EXOC5: variants seen among roughly 807,000 people sequenced by gnomAD.
EXOC5 encodes the protein SEC10-like 1.
EXOC5 carries 17 observed loss-of-function variants against 90.8 expected under a neutral mutation model. The observed-to-expected ratio is 0.19, with a 90% CI of 0.13 to 0.28. The LOEUF (loss-of-function observed/expected upper bound fraction) is 0.28, where lower values mean the gene tolerates loss of function less well. EXOC5 is among the 10% of genes least tolerant of loss of function. The pLI is 1.00. For missense variants in EXOC5, 569 were observed against 830.6 expected (o/e 0.69, Z 3.87); for synonymous variants, 260 against 270.0 (o/e 0.96, Z 0.36).
chr14:57,238,977 T>C (rs1383371682), intron 5 of EXOC5, among the ~76,000 whole-genome samples: 3 of 152,082 alleles, frequency 2.0e-5, no homozygotes, highest in Non-Finnish European at 4.4e-5. Context: ...ATGAAAAAAT[T>C]TCCTTCTCAG....
intron 3 of EXOC5, among the ~76,000 whole-genome samples, chr14:57,244,574 C>T (rs1037342324): frequency 6.6e-6 from 1 of 151,896 alleles, no homozygotes; most frequent in African/African-American, 2.4e-5. Context: ...ATCGTGAGTA[C>T]ATTAATCAAC....
intron 7 of EXOC5, among the ~76,000 whole-genome samples, chr14:57,234,531 GTGTGTGTATATATATATA>G (rs1420357553): frequency 6.8e-6 from 1 of 147,320 alleles, no homozygotes; most frequent in Admixed American, 6.8e-5. Context: ...GTGTGTGTGT[GTGTGTGTATATATATATA>G]TATGTGTATA....
chr14:57,211,961 GT>G (rs758822379), intron 15 of EXOC5, among the ~76,000 whole-genome samples: 1 of 152,152 alleles, frequency 6.6e-6, no homozygotes, highest in Non-Finnish European at 1.5e-5. Flanking sequence ...CCAGGCTCAA[GT>G]GATCCACCTA....
chr14:57,266,735 G>GTA (rs10550570), intron 1 of EXOC5, among the ~76,000 whole-genome samples: 3,783 of 146,444 alleles, frequency 0.026, 89 homozygotes, highest in Middle Eastern at 0.036. Context: ...GTGTGTGTGT[G>GTA]TATATATATA....
At chr14:57,264,845 C>T (rs971304727) in intron 1 of EXOC5, among the ~76,000 whole-genome samples, 1 of 152,148 alleles carries the variant, frequency 6.6e-6, no homozygotes, top group Non-Finnish European at 1.5e-5. Flanking sequence ...CCATTTATAA[C>T]CTTATTTTTA....
intron 1 of EXOC5, among the ~76,000 whole-genome samples, chr14:57,262,655 CATATATACATAAGTGTAT>C (rs1185601499): frequency 2.1e-5 from 3 of 139,714 alleles, no homozygotes; most frequent in Non-Finnish European, 4.6e-5. Flanking sequence ...TACATATATA[CATATATACATAAGTGTAT>C]ATATATACAT....
intron 7 of EXOC5, 81 bp downstream of exon 7, chr14:57,235,630 G>T: frequency 1.4e-6 from 1 of 699,650 alleles, no homozygotes; most frequent in South Asian, 1.8e-5. Context: ...ATGAATGGGG[G>T]AAATCAGAGA....
chr14:57,257,845 C>T (rs1884396360), intron 1 of EXOC5, among the ~76,000 whole-genome samples: 1 of 152,102 alleles, frequency 6.6e-6, no homozygotes, highest in African/African-American at 2.4e-5. Flanking sequence ...TCCCAAAAGA[C>T]TTCTCAAACA....
intron 6 of EXOC5, among the ~76,000 whole-genome samples, chr14:57,236,435 A>C (rs752491546): frequency 9.0e-4 from 137 of 151,714 alleles, no homozygotes; most frequent in South Asian, 1.7e-3. Context: ...ATAGACACCC[A>C]TTACCACACC....
At position 57,216,563 on chromosome 14, in the gene EXOC5, G is replaced by A. The variant is rs1566725697; in HGVS notation, c.1613+1419C>T. ...GAAAGGATAGTCTCCTCTATAAATG[G>A]TTCTGGAAAACTGGATATCTACACA... On this transcript the variant is annotated intron_variant, in intron 15 of 17. Coordinates refer to ENST00000621441, the MANE Select transcript of EXOC5 (RefSeq NM_006544.4). 5.4e-5 allele frequency among the ~76,000 whole-genome samples: 8 copies of A among 148,742 alleles called. No individual in the cohort carries two copies. In the East Asian group the frequency reaches 1.4e-3, roughly 26 times the overall value.
chr14:57,216,157 C>A (rs1356658916), intron 15 of EXOC5, among the ~76,000 whole-genome samples: 2 of 151,434 alleles, frequency 1.3e-5, no homozygotes, highest in African/African-American at 4.9e-5. Flanking sequence ...CCAAAAGAAA[C>A]AAGTAAATGG....
chr14:57,210,977 A>G (rs979000398), intron 15 of EXOC5, among the ~76,000 whole-genome samples: 12 of 152,232 alleles, frequency 7.9e-5, no homozygotes, highest in Non-Finnish European at 1.5e-4. Flanking sequence ...TTGAGAGACC[A>G]GAAAGCAGGA....
At chr14:57,219,276 AT>A in intron 14 of EXOC5, 45 bp downstream of exon 14, 3 of 1,228,980 alleles carry the variant, frequency 2.4e-6, no homozygotes, top group Non-Finnish European at 3.3e-6. Flanking sequence ...GTAGAATGCT[AT>A]AATAGTCACT....
rs1313340884 is a variant in EXOC5 at position 57,201,985 on chromosome 14, G to A, written c.*6624C>T. ...GGAAAAGTAATAGTTTTAAAGTGGA[G>A]AAGCCTGGTAAATAGTACCTTAAGA... On this transcript the variant is annotated 3_prime_UTR_variant, in exon 18 of 18. Coordinates refer to ENST00000621441, the MANE Select transcript of EXOC5 (RefSeq NM_006544.4). 4 of 152,184 alleles carry A rather than the reference G, an allele frequency of 2.6e-5. No homozygotes were observed. The highest frequency in any genetic ancestry group is 4.2e-4 in the South Asian group (2 of 4,816). 9.4% of individuals were successfully genotyped at this position (152,184 alleles called of 1,614,324 possible).
At chr14:57,235,854 T>A in intron 6 of EXOC5, 34 bp from the exon 7 acceptor site, 1 of 990,808 alleles carries the variant, frequency 1.0e-6, no homozygotes, top group Non-Finnish European at 1.6e-6. Flanking sequence ...CACTGAGGCA[T>A]ACAAGGCATC....
intron 12 of EXOC5, among the ~76,000 whole-genome samples, chr14:57,225,688 A>G (rs535857715): frequency 6.6e-6 from 1 of 152,240 alleles, no homozygotes; most frequent in East Asian, 1.9e-4. Flanking sequence ...CAATTTGGAA[A>G]GTTTATTTTG....
intron 5 of EXOC5, among the ~76,000 whole-genome samples, chr14:57,238,692 T>C (rs989650057): frequency 6.6e-6 from 1 of 151,952 alleles, no homozygotes; most frequent in Non-Finnish European, 1.5e-5. Flanking sequence ...TAATTCTTCA[T>C]GATAATCAGA....
intron 4 of EXOC5, 50 bp from the exon 5 acceptor site, chr14:57,239,709 CA>C (rs1388163515): frequency 6.3e-6 from 7 of 1,114,400 alleles, no homozygotes; most frequent in Non-Finnish European, 9.0e-6. Flanking sequence ...TTAGGCATAT[CA>C]AAAAATAATT....
rs1882647849 is a variant in EXOC5, at chr14:57,206,206, A to G, written c.*2403T>C. The G allele has an allele frequency of 4.4e-5, 13 of 296,448 alleles. No individual in the cohort carries two copies. The highest frequency in any genetic ancestry group is 4.2e-4 in the South Asian group (13 of 31,112). The allele number at this position is 296,448 out of a possible 1,614,324, so 18.4% of individuals were successfully genotyped here. ...ACGTAAATGTTGGTTAAAGTTACCA[A>G]TTATACAAAGCTCCACTCTCTACCT... On this transcript the variant is annotated 3_prime_UTR_variant, in exon 18 of 18. Coordinates refer to ENST00000621441, the MANE Select transcript of EXOC5 (RefSeq NM_006544.4).
Sources: allele counts gnomAD v4.1 joint callset (sites outside exome capture counted in the v4.1 genomes callset), GRCh38; gene constraint gnomAD v4.1.1; transcripts MANE v1.5; gene names NCBI Gene and HGNC (gene_info 2026-07-23, HGNC 2026-07-21).